Variants in APLN observed in about 807,000 individuals in gnomAD.
APLN encodes the protein AGTRL1 ligand.
APLN carries 2 observed loss-of-function variants against 4.3 expected under a neutral mutation model. The observed-to-expected ratio is 0.46, with a 90% CI of 0.19 to 1.45. The LOEUF is 1.45. Ranked by LOEUF, APLN falls within the 40% of genes most tolerant of loss-of-function variation. APLN has a pLI of 0.25. For missense variants in APLN, 80 were observed against 70.0 expected, an observed-to-expected ratio of 1.14 and a Z score of -0.51; for synonymous variants, 34 against 30.4, an observed-to-expected ratio of 1.12 and a Z score of -0.38.
rs775274520 is a variant in APLN, at chrX:129,647,231, G to C, written c.*692C>G. 3.9e-5 allele frequency: 6 copies of C among 155,121 alleles called. No homozygotes were observed. Among genetic ancestry groups the C allele is most frequent in the Non-Finnish European group, 7.6e-5 (6 of 78,775 alleles). The allele number at this position is 155,121 out of a possible 1,213,427, so 12.8% of individuals were successfully genotyped here. ...GGAGCTTGGGCTAGCTGGGGATGGG[G>C]TGTGGGGGCAGGAAGAAGGGAGTAT... On this transcript the variant is annotated 3_prime_UTR_variant, in exon 3 of 3. Coordinates refer to ENST00000429967, the MANE Select transcript of APLN (RefSeq NM_017413.5).
rs1323029176 is a variant in APLN at position 129,654,872 on chromosome X, C to T, written c.-242G>A. ...AAGCTGGCCTCGGCGGCTCCGGGAG[C>T]GGCAGCGGCGAGCTCTTTCTTAGCG... On this transcript the variant is annotated 5_prime_UTR_variant, in exon 1 of 3. Transcript: ENST00000429967. The T allele has an allele frequency of 2.3e-5, 4 of 177,241 alleles. No individual in the cohort carries two copies. Among genetic ancestry groups the T allele is most frequent in the Non-Finnish European group, 3.2e-5 (3 of 94,846 alleles). The allele number at this position is 177,241 out of a possible 1,213,427, so 14.6% of individuals were successfully genotyped here.
At position 129,647,878 on chromosome X, in the gene APLN, C is replaced by A; in HGVS notation, c.*45G>T. ...GAAGCAGACCAATCTATGGAGGAGA[C>A]ATAACCGCCGGGGGTGGGCACTTGG... On this transcript the variant is annotated 3_prime_UTR_variant, in exon 3 of 3. Coordinates refer to ENST00000429967, the MANE Select transcript of APLN (RefSeq NM_017413.5). The A allele has an allele frequency of 1.0e-6, 1 of 983,065 alleles. No individual in the cohort carries two copies. Among genetic ancestry groups the A allele is most frequent in the Non-Finnish European group, 1.3e-6 (1 of 756,140 alleles). 81.0% of individuals were successfully genotyped at this position (983,065 alleles called of 1,213,427 possible).
intron 1 of APLN, 98 bp downstream of exon 1, chrX:129,654,466 C>A: frequency 4.7e-6 from 4 of 847,517 alleles, no homozygotes; most frequent in Non-Finnish European, 6.2e-6. Context: ...CTGCACGGCT[C>A]GCGCCGGGCT....
chrX:129,650,378 G>A (rs1412607841), intron 1 of APLN, among the ~76,000 whole-genome samples: 1 of 110,684 alleles, frequency 9.0e-6, no homozygotes, highest in Non-Finnish European at 1.9e-5. Context: ...GCCAAAAGTG[G>A]GTGGGTTTGG....
At chrX:129,652,252 G>C (rs1455696485) in intron 1 of APLN, among the ~76,000 whole-genome samples, 1 of 111,730 alleles carries the variant, frequency 9.0e-6, no homozygotes, top group African/African-American at 3.3e-5. Context: ...AGAGCAAAGT[G>C]TATCCCAGGT....
At chrX:129,651,272 T>C (rs1288885105) in intron 1 of APLN, among the ~76,000 whole-genome samples, 1 of 110,174 alleles carries the variant, frequency 9.1e-6, no homozygotes, top group Non-Finnish European at 1.9e-5. Context: ...TGGGGACTCA[T>C]TGTCCTCAGC....
Position 129,647,160 on chromosome X carries a change from G to A in APLN, c.*763C>T, listed in dbSNP as rs1423403748. The A allele has an allele frequency of 8.1e-6, 1 of 123,851 alleles. No homozygotes were observed. Among genetic ancestry groups the A allele is most frequent in the Non-Finnish European group, 1.7e-5 (1 of 58,671 alleles). The allele number at this position is 123,851 out of a possible 1,213,427, so 10.2% of individuals were successfully genotyped here. ...CCTCTTGCTTGGCTTTTACTCCTGG[G>A]AGGGTATATAGCCATGTCAGGCCCA... On this transcript the variant is annotated 3_prime_UTR_variant, in exon 3 of 3. Coordinates refer to ENST00000429967, the MANE Select transcript of APLN (RefSeq NM_017413.5).
At position 129,645,595 on chromosome X, in the gene APLN, GTGGGC is replaced by G. The variant is rs754204568; in HGVS notation, c.*2323_*2327del. 6.2e-5 allele frequency: 7 copies of G among 112,687 alleles called. No homozygotes were observed. In the East Asian group the frequency reaches 2.0e-3, roughly 31 times the overall value. 9.3% of individuals were successfully genotyped at this position (112,687 alleles called of 1,213,427 possible). On this transcript the variant is annotated 3_prime_UTR_variant, in exon 3 of 3. Transcript: ENST00000429967. ...CAAACAGATGCCAGAAAACCTGTAA[GTGGGC>G]TGGATTTTATGTGACCTGGTCATTA...
rs2124449380 is a variant in APLN at position 129,647,716 on chromosome X, C to A, written c.*207G>T. 1 of 980,877 alleles carries A rather than the reference C, an allele frequency of 1.0e-6. No individual in the cohort carries two copies. Among genetic ancestry groups the A allele is most frequent in the African/African-American group, 2.0e-5 (1 of 49,926 alleles). The allele number at this position is 980,877 out of a possible 1,213,427, so 80.8% of individuals were successfully genotyped here. A position where few individuals can be genotyped will look rare whatever the true frequency, so the allele number is the denominator to read the frequency against. ...GCCAGGAAGATGGACTGGACGGATT[C>A]TTGTGAGAGAACGGGAATCATCCAA... On this transcript the variant is annotated 3_prime_UTR_variant, in exon 3 of 3. Coordinates refer to ENST00000429967, the MANE Select transcript of APLN (RefSeq NM_017413.5).
At position 129,654,600 on chromosome X, in the gene APLN, G is replaced by A. The variant is rs1214714757; in HGVS notation, c.31C>T (p.Leu11=). 1.7e-6 allele frequency: 2 copies of A among 1,154,913 alleles called. No individual in the cohort carries two copies. Among genetic ancestry groups the A allele is most frequent in the Non-Finnish European group, 2.3e-6 (2 of 869,282 alleles). Residue 11 remains leucine (L), a synonymous_variant, in exon 1 of 3, where the codon CTG becomes TTG. Coordinates refer to ENST00000429967, the MANE Select transcript of APLN (RefSeq NM_017413.5). ...GCGGTCAAGGAGAGCCAGAGCAGCA[G>A]GAGCGCCTGCACGCAGAGCCGCAGA... MNLRLCVQAL[L]LLWLSLTAVC...
Position 129,654,656 on chromosome X carries a change from C to G in APLN, c.-26G>C, listed in dbSNP as rs1310799935. The stretch of plus-strand genomic sequence containing the variant: ...GCTGCTCCTTGGGCCGCCGCGGCCC[C>G]GGCGAGCCGGCGCGGGGGAGGAGAG... On this transcript the variant is annotated 5_prime_UTR_variant, in exon 1 of 3. Coordinates refer to ENST00000429967, the MANE Select transcript of APLN (RefSeq NM_017413.5). 1.9e-5 allele frequency: 20 copies of G among 1,070,638 alleles called. No homozygotes were observed. Among genetic ancestry groups the G allele is most frequent in the Admixed American group, 6.9e-5 (2 of 28,999 alleles). 88.2% of individuals were successfully genotyped at this position (1,070,638 alleles called of 1,213,427 possible). A position where few individuals can be genotyped will look rare whatever the true frequency, so the allele number is the denominator to read the frequency against.
chrX:129,653,426 G>A (rs1486045642), intron 1 of APLN, among the ~76,000 whole-genome samples: 2 of 112,848 alleles, frequency 1.8e-5, no homozygotes, highest in African/African-American at 6.4e-5. Context: ...TCACTGCCCT[G>A]CCTTCTCCTT....
Sources: gnomAD v4.1 joint callset for allele counts (sites outside exome capture counted in the v4.1 genomes callset) on GRCh38, gnomAD v4.1.1 for gene constraint, MANE v1.5 for transcripts, NCBI Gene and HGNC (gene_info 2026-07-23, HGNC 2026-07-21) for gene names.